PCDHGA2: variants seen among roughly 807,000 people sequenced by gnomAD.
PCDHGA2 encodes protocadherin gamma-A2.
PCDHGA2 carries 40 observed loss-of-function variants against 59.2 expected under a neutral mutation model. The observed-to-expected ratio is 0.68, with a 90% CI of 0.52 to 0.88. PCDHGA2 has a LOEUF of 0.88. PCDHGA2 is among the 40% of genes least tolerant of loss of function. The probability of loss-of-function intolerance (pLI) is 0.00; values close to 1 mark genes in which losing one functional copy is unlikely to be tolerated. For missense variants in PCDHGA2, 1,226 were observed against 1,204.0 expected, an observed-to-expected ratio of 1.02 and a Z score of -0.27; for synonymous variants, 560 against 526.0, an observed-to-expected ratio of 1.06 and a Z score of -0.89.
rs2099404338 is a variant in PCDHGA2, at chr5:141,477,060, C to T, written c.2425-17747C>T. On this transcript the variant is annotated intron_variant, in intron 1 of 3. Coordinates refer to ENST00000394576, the MANE Select transcript of PCDHGA2 (RefSeq NM_018915.4). This position sits in a 1 kb window ranked among gnomAD's most constrained non-coding sequence, Gnocchi z 4.9. Reference sequence around the variant, plus strand: ...AAGGGTCGGCTGGACTTCGAGGACACCAAACTCCATGAGATTTACATCCAG... The same window carrying T: ...AAGGGTCGGCTGGACTTCGAGGACATCAAACTCCATGAGATTTACATCCAG... 3.7e-6 allele frequency: 6 copies of T among 1,614,256 alleles called. No individual in the cohort carries two copies. The highest frequency in any genetic ancestry group is 5.1e-6 in the Non-Finnish European group (6 of 1,180,046).
chr5:141,375,166 T>A (rs1179986488), intron 1 of PCDHGA2: 2 of 1,613,966 alleles, frequency 1.2e-6, no homozygotes, highest in East Asian at 2.2e-5. Flanking sequence ...AAAGTGCACC[T>A]CCAGGAACAG....
rs928847931 is a variant in PCDHGA2 at position 141,385,514 on chromosome 5, G to A, written c.2424+44119G>A. 5 of 1,363,488 alleles carry A rather than the reference G, an allele frequency of 3.7e-6. No homozygotes were observed. The African/African-American group carries it at 5.9e-5, about 16-fold the overall frequency. The allele number at this position is 1,363,488 out of a possible 1,614,324, so 84.5% of individuals were successfully genotyped here. ...AGGATATAGTATTTCTTTAGTGAAA[G>A]CCTATGGACAAGATTATGAATATGT... is the stretch of plus-strand genomic sequence containing the variant. On this transcript the variant is annotated intron_variant, in intron 1 of 3. Transcript: ENST00000394576.
At chr5:141,436,849 T>C (rs1007573014) in intron 1 of PCDHGA2, among the ~76,000 whole-genome samples, 11 of 152,256 alleles carry the variant, frequency 7.2e-5, no homozygotes, top group African/African-American at 2.7e-4. Context: ...ACATTCTTGA[T>C]TGAGAAGCCA....
At chr5:141,384,904 C>G (rs1780643857) in intron 1 of PCDHGA2, 1 of 1,613,886 alleles carries the variant, frequency 6.2e-7, no homozygotes, top group Admixed American at 1.7e-5. Context: ...TGACAGCATC[C>G]CCGAAGTCTT....
At position 141,476,387 on chromosome 5, in the gene PCDHGA2, C is replaced by T. The variant is rs147660262; in HGVS notation, c.2425-18420C>T. The T allele has an allele frequency of 6.2e-6, 10 of 1,613,958 alleles. No homozygotes were observed. Among genetic ancestry groups the T allele is most frequent in the Non-Finnish European group, 7.6e-6 (9 of 1,180,032 alleles). ...GACCGGAGAGATGTTTGTGAACGAC[C>T]GTCTGGATCGAGAGGAGCTGTGTGG... On this transcript the variant is annotated intron_variant, in intron 1 of 3. Coordinates refer to ENST00000394576, the MANE Select transcript of PCDHGA2 (RefSeq NM_018915.4). This position sits in a 1 kb window ranked among gnomAD's most constrained non-coding sequence, Gnocchi z 7.6.
intron 2 of PCDHGA2, among the ~76,000 whole-genome samples, chr5:141,501,109 C>G (rs909874167): frequency 2.0e-5 from 3 of 152,106 alleles, no homozygotes; most frequent in Non-Finnish European, 4.4e-5. Context: ...CCTCGTGATC[C>G]GCCTGCCTCA....
At position 141,486,543 on chromosome 5, in the gene PCDHGA2, A is replaced by G; in HGVS notation, c.2425-8264A>G. Reference sequence around the variant, plus strand: ...AATGATAATCCACCCTCTTTCTTTCAGAGGTCACATGAGGTGTTTGTTCCT... The same window carrying G: ...AATGATAATCCACCCTCTTTCTTTCGGAGGTCACATGAGGTGTTTGTTCCT... On this transcript the variant is annotated intron_variant, in intron 1 of 3. Transcript: ENST00000394576. This position sits in a 1 kb window ranked among gnomAD's most constrained non-coding sequence, Gnocchi z 5.0. 6.2e-7 allele frequency: 1 copy of G among 1,614,080 alleles called. No individual in the cohort carries two copies. Among genetic ancestry groups the G allele is most frequent in the Non-Finnish European group, 8.5e-7 (1 of 1,180,020 alleles).
At chr5:141,370,138 G>C in intron 1 of PCDHGA2, 1 of 413,176 alleles carries the variant, frequency 2.4e-6, no homozygotes, top group Non-Finnish European at 4.3e-6. Flanking sequence ...AGCTGATTTA[G>C]TCACCATTAC....
chr5:141,497,824 T>G (rs1164705269), intron 2 of PCDHGA2, among the ~76,000 whole-genome samples: 1 of 152,086 alleles, frequency 6.6e-6, no homozygotes, highest in African/African-American at 2.4e-5. Flanking sequence ...ACAGGTGTGA[T>G]CGCCCCCGGC....
At chr5:141,365,161 G>C in intron 1 of PCDHGA2, 1 of 1,613,928 alleles carries the variant, frequency 6.2e-7, no homozygotes, top group Admixed American at 1.7e-5. Context: ...ACGGGAAATT[G>C]ACCTACTCTT....
intron 1 of PCDHGA2, chr5:141,441,502 T>G (rs2098250414): frequency 5.8e-6 from 1 of 173,754 alleles, no homozygotes; most frequent in African/African-American, 2.4e-5. Context: ...CTACCAGGCC[T>G]CCTACGTCGT....
At chr5:141,352,367 G>C in intron 1 of PCDHGA2, 1 of 1,614,060 alleles carries the variant, frequency 6.2e-7, no homozygotes, top group Non-Finnish European at 8.5e-7. Flanking sequence ...TCTCCTCGCG[G>C]TGATTCTAGC....
chr5:141,494,316 G>T (rs2099753509), intron 1 of PCDHGA2, among the ~76,000 whole-genome samples: 1 of 152,172 alleles, frequency 6.6e-6, no homozygotes, highest in Admixed American at 6.5e-5. Flanking sequence ...TGCACAACCT[G>T]GCACCAAAAG....
intron 1 of PCDHGA2, chr5:141,384,715 T>C: frequency 6.2e-7 from 1 of 1,614,088 alleles, no homozygotes. Flanking sequence ...CTGGCTGTCA[T>C]ACCTCCTGCT....
intron 1 of PCDHGA2, chr5:141,409,996 G>A (rs1561724976): frequency 6.2e-7 from 1 of 1,613,132 alleles, no homozygotes; most frequent in Non-Finnish European, 8.5e-7. Context: ...ACGCCGACTC[G>A]GGACACAACG....
At chr5:141,426,625 A>G (rs770683989) in intron 1 of PCDHGA2, 29 of 394,754 alleles carry the variant, frequency 7.3e-5, no homozygotes, top group South Asian at 7.2e-5. Context: ...AATCCTCTAA[A>G]TGTTTTTCAC....
At chr5:141,418,310 G>A in intron 1 of PCDHGA2, 1 of 1,613,990 alleles carries the variant, frequency 6.2e-7, no homozygotes, top group Non-Finnish European at 8.5e-7. Context: ...CCTGGGGATG[G>A]GAACAATTCT....
intron 1 of PCDHGA2, chr5:141,398,274 C>G (rs1323516270): frequency 7.1e-7 from 1 of 1,416,776 alleles, no homozygotes; most frequent in African/African-American, 1.5e-5. Context: ...TAGTGGGGAA[C>G]CTCGCCACGG....
chr5:141,503,418 A>G (rs1037754214), intron 2 of PCDHGA2, among the ~76,000 whole-genome samples: 1 of 151,528 alleles, frequency 6.6e-6, no homozygotes, highest in Admixed American at 6.6e-5. Context: ...AATATGGTGA[A>G]ACCCCATCTC....
Sources: allele counts gnomAD v4.1 joint callset (sites outside exome capture counted in the v4.1 genomes callset), GRCh38; gene constraint gnomAD v4.1.1; non-coding constraint Gnocchi (gnomAD v3.1); transcripts MANE v1.5; gene names NCBI Gene and HGNC (gene_info 2026-07-23, HGNC 2026-07-21).